NELL1: variants seen among roughly 807,000 people sequenced by gnomAD.
The protein encoded by NELL1 is protein kinase C-binding protein NELL1.
Under a neutral mutation model 107.4 loss-of-function variants are expected in NELL1, and 76 were observed. The ratio of observed to expected loss-of-function variants is 0.71; its 90% CI spans 0.59 to 0.86. The LOEUF (loss-of-function observed/expected upper bound fraction) is 0.86. NELL1 is among the 40% of genes least tolerant of loss of function. NELL1 has a pLI of 0.00. For synonymous variants in NELL1, 353 were observed against 341.2 expected (o/e 1.03, Z -0.38); for missense variants, 1,024 against 1,005.5 (o/e 1.02, Z -0.25).
intron 14 of NELL1, among the ~76,000 whole-genome samples, chr11:21,307,458 C>T (rs1849631099): frequency 6.6e-6 from 1 of 151,906 alleles, no homozygotes; most frequent in Non-Finnish European, 1.5e-5. Flanking sequence ...CCCAAACACA[C>T]ACCTACATAT....
chr11:21,392,568 A>T (rs970048990), intron 15 of NELL1, among the ~76,000 whole-genome samples: 6 of 151,760 alleles, frequency 4.0e-5, no homozygotes, highest in South Asian at 2.1e-4. Context: ...GGTAAATATG[A>T]TTATTTAAGC....
At chr11:21,311,131 C>T (rs1849741281) in intron 14 of NELL1, among the ~76,000 whole-genome samples, 1 of 152,068 alleles carries the variant, frequency 6.6e-6, no homozygotes, top group African/African-American at 2.4e-5. Flanking sequence ...GAAACTGATA[C>T]ATTTGTAAAA....
intron 2 of NELL1, among the ~76,000 whole-genome samples, chr11:20,696,733 T>C (rs1854627854): frequency 6.6e-6 from 1 of 152,162 alleles, no homozygotes; most frequent in South Asian, 2.1e-4. Context: ...TCACAATAAC[T>C]TTAGAAAAAT....
intron 15 of NELL1, among the ~76,000 whole-genome samples, chr11:21,424,072 A>G (rs1852759767): frequency 6.6e-6 from 1 of 152,210 alleles, no homozygotes; most frequent in Non-Finnish European, 1.5e-5. Flanking sequence ...AGGAGCTAGA[A>G]AGAGTAACTA....
At chr11:21,179,862 C>T (rs1227220193) in intron 13 of NELL1, among the ~76,000 whole-genome samples, 53 of 75,690 alleles carry the variant, frequency 7.0e-4, no homozygotes, top group Admixed American at 1.4e-3. Context: ...AATCAACACA[C>T]TTTTTTTTTT....
At chr11:21,356,042 G>A (rs1850925985) in intron 14 of NELL1, among the ~76,000 whole-genome samples, 1 of 151,984 alleles carries the variant, frequency 6.6e-6, no homozygotes, top group Non-Finnish European at 1.5e-5. Flanking sequence ...CCCGTTATAT[G>A]TCACCCTATT....
intron 14 of NELL1, among the ~76,000 whole-genome samples, chr11:21,303,298 T>C (rs1590819475): frequency 6.6e-6 from 1 of 152,022 alleles, no homozygotes; most frequent in Non-Finnish European, 1.5e-5. Flanking sequence ...CTTTAAGATA[T>C]ATTGCAAATT....
Position 21,489,404 on chromosome 11 carries a change from A to AAAAAAC in NELL1, c.1646-44966_1646-44965insACAAAA, listed in dbSNP as rs1554922049. Among the ~76,000 whole-genome samples the AAAAAAC allele has an allele frequency of 1.6e-3, 223 of 137,240 alleles. 6 individuals are homozygous for AAAAAAC. Among genetic ancestry groups the AAAAAAC allele is most frequent in the African/African-American group, 6.1e-3 (205 of 33,550 alleles). The allele number at this position is 137,240 out of a possible 152,430, so 90.0% of individuals were successfully genotyped here. A position where few individuals can be genotyped will look rare whatever the true frequency, so the allele number is the denominator to read the frequency against. On this transcript the variant is annotated intron_variant, in intron 15 of 19. Transcript: ENST00000357134. The stretch of plus-strand genomic sequence containing the variant: ...TCAAAAAAAAAAAAAAAAAAAAAAA[A>AAAAAAC]AAAACAGAAGAAAAGGGAACTCTCC...
At chr11:20,751,671 T>C (rs894990147) in intron 2 of NELL1, among the ~76,000 whole-genome samples, 1 of 151,850 alleles carries the variant, frequency 6.6e-6, no homozygotes, top group African/African-American at 2.4e-5. Flanking sequence ...AAAACTCTTT[T>C]TAGAGATGAA....
intron 3 of NELL1, among the ~76,000 whole-genome samples, chr11:20,792,972 G>A (rs1249526861): frequency 1.3e-5 from 2 of 151,768 alleles, no homozygotes; most frequent in Non-Finnish European, 3.0e-5. Flanking sequence ...AATATACATT[G>A]TATCTTTTCT....
At chr11:20,897,862 A>G (rs897063833) in intron 5 of NELL1, among the ~76,000 whole-genome samples, 1 of 152,190 alleles carries the variant, frequency 6.6e-6, no homozygotes, top group Non-Finnish European at 1.5e-5. Context: ...TCAAAACCAC[A>G]ATGAGATACC....
chr11:21,147,832 G>A (rs1347047096), intron 13 of NELL1, among the ~76,000 whole-genome samples: 4 of 52,296 alleles, frequency 7.6e-5, no homozygotes, highest in Non-Finnish European at 1.3e-4. Context: ...GTGAAACTCC[G>A]TCTCAAAAAA....
In NELL1 at chr11:21,404,005, A is replaced by G. The variant is rs1229791668; in HGVS notation, c.1645+33057A>G. On this transcript the variant is annotated intron_variant, in intron 15 of 19. Transcript: ENST00000357134. Reference sequence around the variant, plus strand: ...CGGAAAATATCTCTGTCATTCCTGAACCCCCCCCCCCGCAATCAAAACCAC... The same window carrying G: ...CGGAAAATATCTCTGTCATTCCTGAGCCCCCCCCCCCGCAATCAAAACCAC... Among the ~76,000 whole-genome samples, 8 of 50,958 alleles carry G rather than the reference A, an allele frequency of 1.6e-4. No homozygotes were observed. In the South Asian group the frequency reaches 7.3e-3, roughly 47 times the overall value. 33.4% of individuals were successfully genotyped at this position (50,958 alleles called of 152,430 possible).
At chr11:21,115,693 AAGTTC>A (rs1461025274) in intron 13 of NELL1, among the ~76,000 whole-genome samples, 2 of 151,914 alleles carry the variant, frequency 1.3e-5, no homozygotes, top group African/African-American at 4.8e-5. Context: ...ATTAGAATGT[AAGTTC>A]ACATGGTGGA....
intron 12 of NELL1, among the ~76,000 whole-genome samples, chr11:21,020,522 A>C (rs1292202835): frequency 6.6e-6 from 1 of 151,404 alleles, no homozygotes; most frequent in Non-Finnish European, 1.5e-5. Flanking sequence ...CTTTTTTTGG[A>C]AGGTTAGTTT....
chr11:21,223,732 G>C (rs1169750710), intron 13 of NELL1, among the ~76,000 whole-genome samples: 2 of 152,050 alleles, frequency 1.3e-5, no homozygotes, highest in Non-Finnish European at 2.9e-5. Flanking sequence ...TTGTTTATCT[G>C]CTCTACCAGT....
intron 13 of NELL1, among the ~76,000 whole-genome samples, chr11:21,147,692 C>T (rs1056441256): frequency 2.0e-5 from 3 of 151,294 alleles, no homozygotes; most frequent in South Asian, 2.1e-4. Flanking sequence ...CAAAATTAGC[C>T]GGGTGTGGTG....
intron 15 of NELL1, among the ~76,000 whole-genome samples, chr11:21,440,599 A>G (rs1853257908): frequency 1.3e-5 from 2 of 152,222 alleles, no homozygotes; most frequent in Non-Finnish European, 2.9e-5. Flanking sequence ...ATATAACATC[A>G]TAGTGAAGAT....
intron 15 of NELL1, among the ~76,000 whole-genome samples, chr11:21,374,428 T>TA (rs1454798145): frequency 6.6e-6 from 1 of 152,020 alleles, no homozygotes; most frequent in Non-Finnish European, 1.5e-5. Context: ...TGAGAGGCCT[T>TA]ATAACATGGC....
Sources: gnomAD v4.1 joint callset for allele counts (sites outside exome capture counted in the v4.1 genomes callset) on GRCh38, gnomAD v4.1.1 for gene constraint, MANE v1.5 for transcripts, NCBI Gene and HGNC (gene_info 2026-07-23, HGNC 2026-07-21) for gene names.